Variants in NOS1AP observed in about 807,000 individuals in gnomAD.
NOS1AP encodes the protein nitric oxide synthase 1 adaptor protein.
NOS1AP carries 21 observed loss-of-function variants against 56.2 expected under a neutral mutation model. The ratio of observed to expected loss-of-function variants is 0.37; its 90% CI spans 0.26 to 0.54. The LOEUF (loss-of-function observed/expected upper bound fraction) is 0.54, where lower values mean the gene tolerates loss of function less well. Ranked by LOEUF, NOS1AP falls within the 20% of genes least tolerant of loss-of-function variation. The pLI is 0.84. For synonymous variants in NOS1AP, 270 were observed against 274.6 expected (o/e 0.98, Z 0.17); for missense variants, 522 against 657.8 (o/e 0.79, Z 2.26).
chr1:162,273,065 G>A (rs1298398393), intron 2 of NOS1AP, among the ~76,000 whole-genome samples: 1 of 152,090 alleles, frequency 6.6e-6, no homozygotes. Context: ...ATAGGCTGGA[G>A]GGGACTCTGT....
chr1:162,355,524 A>C (rs929370160), intron 7 of NOS1AP, among the ~76,000 whole-genome samples, 171 bp downstream of exon 7: 1 of 152,186 alleles, frequency 6.6e-6, no homozygotes, highest in Non-Finnish European at 1.5e-5. Flanking sequence ...GAGGGTCTGA[A>C]CACTAGATGC....
intron 2 of NOS1AP, among the ~76,000 whole-genome samples, chr1:162,249,778 A>C (rs1653790662): frequency 6.6e-6 from 1 of 152,212 alleles, no homozygotes; most frequent in Non-Finnish European, 1.5e-5. Flanking sequence ...TGCTAATCAG[A>C]TAATTATGCA....
intron 1 of NOS1AP, among the ~76,000 whole-genome samples, chr1:162,081,774 A>ATATATATATATATTTTTTTTTTTT: frequency 4.5e-5 from 2 of 44,054 alleles, no homozygotes; most frequent in Non-Finnish European, 4.6e-5. Flanking sequence ...ATATATATAT[A>ATATATATATATATTTTTTTTTTTT]TTTTTTTTTT....
At chr1:162,255,528 T>G (rs1323312025) in intron 2 of NOS1AP, among the ~76,000 whole-genome samples, 1 of 125,752 alleles carries the variant, frequency 8.0e-6, no homozygotes, top group African/African-American at 3.1e-5. Context: ...TTTTTTTTGG[T>G]AAGATAGGTA....
At chr1:162,070,388 C>G in intron 1 of NOS1AP, 106 bp downstream of exon 1, 1 of 897,560 alleles carries the variant, frequency 1.1e-6, no homozygotes, top group Non-Finnish European at 1.8e-6. Flanking sequence ...CGGGCTAGGC[C>G]GATTTGGGGG....
chr1:162,223,476 G>T (rs970227300), intron 2 of NOS1AP, among the ~76,000 whole-genome samples: 13 of 152,130 alleles, frequency 8.5e-5, no homozygotes, highest in African/African-American at 3.1e-4. Context: ...CGGCAGAAAG[G>T]CTTCTGGGGT....
chr1:162,122,151 C>A (rs1417537292), intron 1 of NOS1AP, among the ~76,000 whole-genome samples: 2 of 152,114 alleles, frequency 1.3e-5, no homozygotes, highest in African/African-American at 4.8e-5. Flanking sequence ...TAATAATTAG[C>A]AAATGTAAAT....
chr1:162,105,184 C>T (rs543289227), intron 1 of NOS1AP, among the ~76,000 whole-genome samples: 36 of 152,190 alleles, frequency 2.4e-4, no homozygotes, highest in Non-Finnish European at 4.6e-4. Context: ...GCTGGGGGTC[C>T]ACTCCAGACC....
chr1:162,119,635 G>A (rs1648118399), intron 1 of NOS1AP, among the ~76,000 whole-genome samples: 1 of 152,160 alleles, frequency 6.6e-6, no homozygotes, highest in Non-Finnish European at 1.5e-5. Context: ...GAACCTACTT[G>A]CATGGCTCTT....
chr1:162,255,948 A>C (rs1654014402), intron 2 of NOS1AP, among the ~76,000 whole-genome samples: 1 of 152,172 alleles, frequency 6.6e-6, no homozygotes. Context: ...GTTTGAGACC[A>C]GTCTGGCTAA....
At chr1:162,202,092 A>T (rs150340671) in intron 2 of NOS1AP, among the ~76,000 whole-genome samples, 3 of 152,222 alleles carry the variant, frequency 2.0e-5, no homozygotes, top group African/African-American at 7.2e-5. Flanking sequence ...TGTCCTGGGG[A>T]TCTGTATGTG....
intron 2 of NOS1AP, among the ~76,000 whole-genome samples, chr1:162,189,732 A>G (rs1651559529): frequency 6.6e-6 from 1 of 152,228 alleles, no homozygotes; most frequent in Non-Finnish European, 1.5e-5. Context: ...AATTATTTTT[A>G]TCTAAATAAA....
intron 4 of NOS1AP, among the ~76,000 whole-genome samples, chr1:162,314,023 A>T (rs1336115122): frequency 1.3e-5 from 2 of 152,234 alleles, no homozygotes; most frequent in Non-Finnish European, 2.9e-5. Flanking sequence ...GTAGGTGCTC[A>T]ATAAATACAT....
At chr1:162,179,115 A>T (rs1433305614) in intron 2 of NOS1AP, among the ~76,000 whole-genome samples, 1 of 151,962 alleles carries the variant, frequency 6.6e-6, no homozygotes, top group Admixed American at 6.6e-5. Context: ...TCTTTGCATG[A>T]ATTTCCTACC....
intron 1 of NOS1AP, among the ~76,000 whole-genome samples, chr1:162,102,832 CTTT>C (rs1647339891): frequency 6.6e-6 from 1 of 152,004 alleles, no homozygotes; most frequent in South Asian, 2.1e-4. Flanking sequence ...CTCTTTTCTT[CTTT>C]ATTAGTCTGG....
intron 1 of NOS1AP, among the ~76,000 whole-genome samples, chr1:162,071,474 G>C (rs1003859276): frequency 5.9e-5 from 9 of 152,096 alleles, no homozygotes; most frequent in Non-Finnish European, 1.2e-4. Flanking sequence ...TCTTTCTCAT[G>C]TATATGGGTG....
At chr1:162,134,401 C>A (rs1448715843) in intron 1 of NOS1AP, among the ~76,000 whole-genome samples, 1 of 149,306 alleles carries the variant, frequency 6.7e-6, no homozygotes, top group African/African-American at 2.5e-5. Context: ...GCATGAAAAT[C>A]GCTTGAACCG....
chr1:162,358,103 G>A (rs1217502813), intron 8 of NOS1AP, among the ~76,000 whole-genome samples: 1 of 152,184 alleles, frequency 6.6e-6, no homozygotes, highest in Non-Finnish European at 1.5e-5. Flanking sequence ...TGACCAGACT[G>A]TTGACCACTT....
In NOS1AP at chr1:162,154,390, G is replaced by T; in HGVS notation, c.106-15G>T. 1.2e-6 allele frequency: 2 copies of T among 1,613,758 alleles called. No individual in the cohort carries two copies. The highest frequency in any genetic ancestry group is 1.7e-6 in the Non-Finnish European group (2 of 1,179,748). On this transcript the variant is annotated splice_polypyrimidine_tract_variant and intron_variant, in intron 1 of 9. Transcript: ENST00000361897. ...CTACCCCTCCTCTCAATGAGTGTTT[G>T]CTTCTCCCCCACAGTACGTAGGAAG...
Sources: allele counts gnomAD v4.1 joint callset (sites outside exome capture counted in the v4.1 genomes callset), GRCh38; gene constraint gnomAD v4.1.1; transcripts MANE v1.5; gene names NCBI Gene and HGNC (gene_info 2026-07-23, HGNC 2026-07-21).